The following INSL6 variants were observed in gnomAD, a reference collection of about 807,000 sequenced individuals.
INSL6 encodes insulin like 6, also known as insulin-like peptide INSL6.
INSL6 carries 16 observed loss-of-function variants against 9.4 expected under a neutral mutation model. The ratio of observed to expected loss-of-function variants is 1.70; its 90% CI spans 1.15 to 2.59. INSL6 has a LOEUF of 2.59. Among genes scored for constraint, INSL6 ranks in the 30% most tolerant of loss-of-function variants. The pLI is 0.00. For missense variants in INSL6, 391 were observed against 257.3 expected (o/e 1.52, Z -3.56); for synonymous variants, 154 against 96.9 (o/e 1.59, Z -3.46).
the INSL6 span, chr9:5,078,232 G>A: frequency 8.3e-7 from 1 of 1,207,448 alleles, no homozygotes; most frequent in South Asian, 1.6e-5. Context: ...AATCTGTTTT[G>A]GGGGCTTGAA....
At chr9:5,034,886 C>G in the INSL6 span, among the ~76,000 whole-genome samples, 2 of 151,752 alleles carry the variant, frequency 1.3e-5, no homozygotes, top group Admixed American at 6.6e-5. Context: ...TAACTGAGAT[C>G]AGAGCAGAAC....
chr9:4,995,462 CT>C, the INSL6 span, among the ~76,000 whole-genome samples: 1 of 152,194 alleles, frequency 6.6e-6, no homozygotes, highest in Non-Finnish European at 1.5e-5. Context: ...TGGGACGCAA[CT>C]TTTTTCCCCT....
chr9:5,136,549 G>A (rs1358827497), intron 2 of INSL6, among the ~76,000 whole-genome samples: 2 of 152,070 alleles, frequency 1.3e-5, no homozygotes, highest in Non-Finnish European at 2.9e-5. Context: ...ATGCAGAAAA[G>A]GCCTTTGACA....
At chr9:5,044,242 A>G in the INSL6 span, among the ~76,000 whole-genome samples, 23 of 152,226 alleles carry the variant, frequency 1.5e-4, no homozygotes, top group African/African-American at 4.3e-4. Context: ...TATTAGTGTT[A>G]TCCACATATC....
chr9:5,085,564 G>A, the INSL6 span: 2 of 691,828 alleles, frequency 2.9e-6, no homozygotes, highest in Non-Finnish European at 5.4e-6. Context: ...TATAACAGCT[G>A]TATTTCCAGT....
the INSL6 span, among the ~76,000 whole-genome samples, chr9:5,104,551 C>T: frequency 4.6e-5 from 7 of 152,198 alleles, no homozygotes; most frequent in Admixed American, 1.3e-4. Context: ...TCCTCCCTAA[C>T]TCATTTTATG....
At chr9:5,081,180 C>T in the INSL6 span, among the ~76,000 whole-genome samples, 1 of 151,992 alleles carries the variant, frequency 6.6e-6, no homozygotes, top group Non-Finnish European at 1.5e-5. Context: ...CAGGCTTGAG[C>T]CACCGCTCCC....
the INSL6 span, among the ~76,000 whole-genome samples, chr9:4,995,610 G>C: frequency 6.6e-6 from 1 of 152,166 alleles, no homozygotes; most frequent in Non-Finnish European, 1.5e-5. Flanking sequence ...TGGCTCCTCT[G>C]AAACCATATT....
At chr9:5,023,239 T>C in the INSL6 span, among the ~76,000 whole-genome samples, 4 of 152,250 alleles carry the variant, frequency 2.6e-5, no homozygotes, top group African/African-American at 9.6e-5. Flanking sequence ...CTCCCACATA[T>C]GAATGAGAAC....
At chr9:5,100,171 A>G in the INSL6 span, 1 of 152,198 alleles carries the variant, frequency 6.6e-6, no homozygotes, top group South Asian at 2.1e-4. Flanking sequence ...CAAATTCGCC[A>G]TAGACCTTAT....
At chr9:5,181,794 C>T (rs1033216816) in intron 1 of INSL6, among the ~76,000 whole-genome samples, 2 of 152,004 alleles carry the variant, frequency 1.3e-5, no homozygotes, top group Admixed American at 1.3e-4. Flanking sequence ...AATATATAAA[C>T]AGGAAATTTT....
the INSL6 span, among the ~76,000 whole-genome samples, chr9:5,017,358 C>A: frequency 1.3e-5 from 2 of 152,176 alleles, no homozygotes; most frequent in Non-Finnish European, 2.9e-5. Flanking sequence ...TGGGCACAAA[C>A]TGATAAAATT....
At chr9:5,124,019 T>C (rs1190677101) in exon 4 of INSL6, among the ~76,000 whole-genome samples, 1 of 151,726 alleles carries the variant, frequency 6.6e-6, no homozygotes, top group African/African-American at 2.4e-5. Context: ...CTTTTGAAAA[T>C]GTCTATTGAT....
At chr9:5,051,964 A>G in the INSL6 span, among the ~76,000 whole-genome samples, 1 of 152,082 alleles carries the variant, frequency 6.6e-6, no homozygotes, top group Non-Finnish European at 1.5e-5. Context: ...CCAAAGCCCA[A>G]AGGAAAAAAA....
the INSL6 span, among the ~76,000 whole-genome samples, chr9:5,036,240 T>G: frequency 6.6e-6 from 1 of 152,178 alleles, no homozygotes; most frequent in Admixed American, 6.5e-5. Context: ...TACAAACAAA[T>G]GGAAGAACAT....
the INSL6 span, among the ~76,000 whole-genome samples, chr9:5,061,036 A>C: frequency 6.6e-6 from 1 of 152,216 alleles, no homozygotes; most frequent in Non-Finnish European, 1.5e-5. Context: ...CTTTGAAAGC[A>C]ATCTTTTTTT....
the INSL6 span, among the ~76,000 whole-genome samples, chr9:5,117,367 C>T: frequency 6.6e-6 from 1 of 152,134 alleles, no homozygotes; most frequent in Non-Finnish European, 1.5e-5. Context: ...TGGTGAGATT[C>T]ATATTTTAGA....
the INSL6 span, among the ~76,000 whole-genome samples, chr9:5,045,000 T>G: frequency 6.6e-6 from 1 of 152,234 alleles, no homozygotes; most frequent in Non-Finnish European, 1.5e-5. Context: ...ATGTTGATAC[T>G]TAGTCTAAGA....
chr9:5,022,213 GGTAA>G, the INSL6 span: 1 of 1,609,542 alleles, frequency 6.2e-7, no homozygotes, highest in Non-Finnish European at 8.5e-7. Context: ...TAAAGCTTGT[GGTAA>G]GTATTAAAAA....
Sources: allele counts gnomAD v4.1 joint callset (sites outside exome capture counted in the v4.1 genomes callset), GRCh38; gene constraint gnomAD v4.1.1; transcripts MANE v1.5; gene names NCBI Gene and HGNC (gene_info 2026-07-23, HGNC 2026-07-21).